CACNA1C: variants seen among roughly 807,000 people sequenced by gnomAD.
CACNA1C encodes voltage-dependent L-type calcium channel subunit alpha-1C.
A neutral mutation model predicts 229.0 loss-of-function variants in CACNA1C; 30 were observed. That is an observed-to-expected ratio of 0.13 (90% CI 0.10 to 0.18). The LOEUF (loss-of-function observed/expected upper bound fraction) is 0.18. Ranked by LOEUF, CACNA1C falls within the 10% of genes least tolerant of loss-of-function variation. The probability of loss-of-function intolerance (pLI) is 1.00; values close to 1 mark genes in which losing one functional copy is unlikely to be tolerated. For missense variants in CACNA1C, 1,658 were observed against 2,845.0 expected (o/e 0.58, Z 9.49); for synonymous variants, 1,114 against 1,132.5 (o/e 0.98, Z 0.33).
At chr12:2,136,623 A>C (rs1297652990) in intron 3 of CACNA1C, among the ~76,000 whole-genome samples, 1 of 151,186 alleles carries the variant, frequency 6.6e-6, no homozygotes. Context: ...TGAAGGAGGG[A>C]GTGAACGTCC....
chr12:2,031,788 TG>T lies in CACNA1C; in HGVS notation c.139+60589del, dbSNP rs1404678258. Among the ~76,000 whole-genome samples the T allele has an allele frequency of 2.6e-5, 4 of 152,232 alleles. No individual in the cohort carries two copies. The East Asian group carries it at 7.7e-4, about 29-fold the overall frequency. Reference sequence around the variant, plus strand: ...ATGTAGATGGCTCAGTGGCTTTCTTTGGCTTTCTCCAAGTCCTGCTCAATCC... The same window carrying T: ...ATGTAGATGGCTCAGTGGCTTTCTTTGCTTTCTCCAAGTCCTGCTCAATCC... On this transcript the variant is annotated intron_variant, in intron 1 of 46. Coordinates refer to the CACNA1C transcript ENST00000682462.
chr12:2,314,423 A>C (rs920055231), intron 3 of CACNA1C, among the ~76,000 whole-genome samples: 5 of 152,100 alleles, frequency 3.3e-5, no homozygotes, highest in African/African-American at 1.2e-4. Context: ...ATGAATTCTC[A>C]CCTCGTGCAC....
At chr12:2,659,501 T>C (rs1187764545) in intron 34 of CACNA1C, among the ~76,000 whole-genome samples, 1 of 152,180 alleles carries the variant, frequency 6.6e-6, no homozygotes, top group African/African-American at 2.4e-5. Flanking sequence ...ATCTCCCCAC[T>C]GTTAAGTGAC....
At chr12:2,432,828 C>G (rs2099099203) in intron 3 of CACNA1C, among the ~76,000 whole-genome samples, 1 of 152,170 alleles carries the variant, frequency 6.6e-6, no homozygotes, top group Admixed American at 6.5e-5. Context: ...TTCCATATCC[C>G]TTCCAGCTAG....
At position 2,694,090 on chromosome 12, in the gene CACNA1C, G is replaced by C. The variant is rs1430515863; in HGVS notation, c.*2891G>C. ...AAATTGAGTTTAGGTATCATCCTTT[G>C]AAAAGTTCCCAAGATTTCTACCAGG... On this transcript the variant is annotated 3_prime_UTR_variant, in exon 47 of 47. Transcript: ENST00000399655. The C allele has an allele frequency of 6.6e-6, 1 of 152,186 alleles. No individual in the cohort carries two copies. The highest frequency in any genetic ancestry group is 1.5e-5 in the Non-Finnish European group (1 of 68,026). The allele number at this position is 152,186 out of a possible 1,614,324, so 9.4% of individuals were successfully genotyped here. A position where few individuals can be genotyped will look rare whatever the true frequency, so the allele number is the denominator to read the frequency against.
chr12:2,061,378 T>TGAA (rs1367870714), intron 1 of CACNA1C, among the ~76,000 whole-genome samples: 1 of 152,038 alleles, frequency 6.6e-6, no homozygotes, highest in African/African-American at 2.4e-5. Context: ...ATTTTAAAGG[T>TGAA]GAAAATGTAA....
intron 3 of CACNA1C, among the ~76,000 whole-genome samples, chr12:2,273,598 C>T (rs1311192973): frequency 6.6e-6 from 1 of 152,178 alleles, no homozygotes; most frequent in Non-Finnish European, 1.5e-5. Context: ...GTGACCTTTT[C>T]TGGGAATCAA....
At chr12:2,203,999 G>A (rs2097680096) in intron 3 of CACNA1C, among the ~76,000 whole-genome samples, 1 of 152,206 alleles carries the variant, frequency 6.6e-6, no homozygotes, top group South Asian at 2.1e-4. Context: ...AAACAACAAT[G>A]TGATGAGTTA....
chr12:2,661,251 C>T (rs924198217), intron 34 of CACNA1C, among the ~76,000 whole-genome samples: 1 of 143,276 alleles, frequency 7.0e-6, no homozygotes, highest in African/African-American at 2.5e-5. Context: ...GATGAAGTGA[C>T]ATCCCATCTC....
At chr12:2,451,241 G>T (rs1421807871) in intron 4 of CACNA1C, among the ~76,000 whole-genome samples, 1 of 152,216 alleles carries the variant, frequency 6.6e-6, no homozygotes, top group Non-Finnish European at 1.5e-5. Flanking sequence ...TGCCTTGAAT[G>T]ACTCAGTAAA....
At chr12:2,062,962 G>A (rs2058047141) in intron 1 of CACNA1C, among the ~76,000 whole-genome samples, 4 of 152,022 alleles carry the variant, frequency 2.6e-5, no homozygotes, top group South Asian at 2.1e-4. Context: ...TTCGCATACC[G>A]TAAAATTTAC....
chr12:2,222,652 C>T (rs995730609), intron 3 of CACNA1C, among the ~76,000 whole-genome samples: 4 of 152,160 alleles, frequency 2.6e-5, no homozygotes, highest in African/African-American at 9.7e-5. Context: ...TACACCTTTG[C>T]CTGGTGTACA....
intron 3 of CACNA1C, among the ~76,000 whole-genome samples, chr12:2,409,974 G>A (rs1215979294): frequency 1.3e-5 from 2 of 152,202 alleles, no homozygotes; most frequent in African/African-American, 4.8e-5. Context: ...GGAAGGGAGA[G>A]GTGGATGAGC....
chr12:2,471,909 G>A (rs1228883563), intron 5 of CACNA1C, among the ~76,000 whole-genome samples: 1 of 152,194 alleles, frequency 6.6e-6, no homozygotes, highest in East Asian at 1.9e-4. Context: ...TTGAACTCCT[G>A]ACCTCGTGAT....
At chr12:2,579,019 G>T (rs1457137463) in intron 13 of CACNA1C, among the ~76,000 whole-genome samples, 1 of 152,068 alleles carries the variant, frequency 6.6e-6, no homozygotes, top group Non-Finnish European at 1.5e-5. Flanking sequence ...ATTCTGAGGG[G>T]CTCCCAGGTC....
At chr12:2,459,388 G>A (rs565935712) in intron 5 of CACNA1C, among the ~76,000 whole-genome samples, 170 of 152,130 alleles carry the variant, frequency 1.1e-3, no homozygotes, top group African/African-American at 3.6e-3. Context: ...CCAGAACTGT[G>A]CCTTCTATTG....
At position 2,585,850 on chromosome 12, in the gene CACNA1C, C is replaced by T; in HGVS notation, c.2476C>T (p.Leu826Phe). The T allele has an allele frequency of 6.2e-7, 1 of 1,609,014 alleles. No individual in the cohort carries two copies. Among genetic ancestry groups the T allele is most frequent in the South Asian group, 1.1e-5 (1 of 89,632 alleles). The change falls in exon 18 of 47, where the codon CTC (leucine) becomes TTC (phenylalanine). Residue 826 changes from leucine to phenylalanine, a missense_variant. Leu to Phe is a conservative substitution (Grantham distance 22). Around this residue, in one of 20 missense-constraint regions of CACNA1C, gnomAD observed 121 missense variants for 128.8 expected, o/e 0.94. Coordinates refer to ENST00000399655, the MANE Select transcript of CACNA1C (RefSeq NM_000719.7). The surrounding 1 kb of genome is among the most constrained non-coding windows in gnomAD (Gnocchi z 4.1). Reference sequence around the variant, plus strand: ...GACTGTCTAGATCAACATGGATGACCTCCAGCCCAATGAAAATGAGGATAA... The same window carrying T: ...GACTGTCTAGATCAACATGGATGACTTCCAGCCCAATGAAAATGAGGATAA... ...PPATKINMDD[L>F]QPNENEDKSP...
At chr12:1,970,966 A>G in exon 1 of CACNA1C, 1 of 674,704 alleles carries the variant, frequency 1.5e-6, no homozygotes, top group South Asian at 2.2e-5. Flanking sequence ...TTACTGCAGG[A>G]ATAGCTTCTG....
chr12:2,051,846 C>T (rs1374182120), upstream of CACNA1C, among the ~76,000 whole-genome samples: 3 of 152,214 alleles, frequency 2.0e-5, no homozygotes, highest in Non-Finnish European at 4.4e-5. Flanking sequence ...CAGCTGTAGT[C>T]TGGAATTCAG....
Sources: allele counts gnomAD v4.1 joint callset (sites outside exome capture counted in the v4.1 genomes callset), GRCh38; gene constraint gnomAD v4.1.1; regional missense constraint gnomAD v4.1.1; non-coding constraint Gnocchi (gnomAD v3.1); transcripts MANE v1.5; gene names NCBI Gene and HGNC (gene_info 2026-07-23, HGNC 2026-07-21).